Variants in DRC9 observed in about 807,000 individuals in gnomAD.
The protein encoded by DRC9 is dynein regulatory complex protein 9.
the DRC9 span, among the ~76,000 whole-genome samples, chr3:197,896,275 G>A: frequency 2.6e-5 from 4 of 151,928 alleles, no homozygotes; most frequent in African/African-American, 4.8e-5. Context: ...CCCAGGAGGC[G>A]GAGGTTGTGG....
At chr3:197,960,112 A>G in the DRC9 span, 1 of 891,590 alleles carries the variant, frequency 1.1e-6, no homozygotes, top group Non-Finnish European at 1.7e-6. Flanking sequence ...GCGAACTTCT[A>G]GCGGGTGACG....
At chr3:197,951,013 T>C in the DRC9 span, 5 of 1,609,742 alleles carry the variant, frequency 3.1e-6, no homozygotes, top group Non-Finnish European at 2.6e-6. Flanking sequence ...TATTTTTGTG[T>C]GTTAGACGTG....
At chr3:197,954,882 T>C in the DRC9 span, among the ~76,000 whole-genome samples, 1 of 152,190 alleles carries the variant, frequency 6.6e-6, no homozygotes, top group Non-Finnish European at 1.5e-5. Flanking sequence ...ATTCAACAGT[T>C]ACGCCTGGCA....
chr3:197,915,163 C>CAA, the DRC9 span, among the ~76,000 whole-genome samples: 751 of 71,264 alleles, frequency 0.011, 19 homozygotes, highest in Non-Finnish European at 0.016. Flanking sequence ...GATTCTGTCT[C>CAA]AAAAAAAAAA....
the DRC9 span, among the ~76,000 whole-genome samples, chr3:197,910,806 C>A: frequency 1.3e-5 from 2 of 151,900 alleles, no homozygotes; most frequent in Admixed American, 1.3e-4. Flanking sequence ...ACAGTGAAAC[C>A]CCATCTCTAC....
At chr3:197,925,909 G>A in the DRC9 span, 19 of 718,752 alleles carry the variant, frequency 2.6e-5, no homozygotes, top group East Asian at 1.7e-4. Context: ...AAGGAATGCC[G>A]GAGGAAACAA....
the DRC9 span, among the ~76,000 whole-genome samples, chr3:197,899,403 C>G: frequency 6.6e-6 from 1 of 152,164 alleles, no homozygotes; most frequent in African/African-American, 2.4e-5. Context: ...ACAGGTTAAT[C>G]TCACTTGTGG....
chr3:197,891,276 T>C, the DRC9 span, among the ~76,000 whole-genome samples: 1 of 152,184 alleles, frequency 6.6e-6, no homozygotes, highest in African/African-American at 2.4e-5. Context: ...GTTAACTGTC[T>C]CCCTGCACCA....
chr3:197,933,030 T>TATATATTATACATATATATAAAATAC, the DRC9 span, among the ~76,000 whole-genome samples: 2 of 140,578 alleles, frequency 1.4e-5, no homozygotes, highest in Non-Finnish European at 3.0e-5. Context: ...TATAAAATAT[T>TATATATTATACATATATATAAAATAC]ATATATTATA....
chr3:197,927,066 G>A, the DRC9 span, among the ~76,000 whole-genome samples: 4 of 152,216 alleles, frequency 2.6e-5, no homozygotes, highest in Admixed American at 2.6e-4. Flanking sequence ...TCTACTCTGA[G>A]AAACAGCCTT....
chr3:197,941,237 TCTCCCTGCCCTCCCTTCCCC>T, the DRC9 span, among the ~76,000 whole-genome samples: 3 of 98,358 alleles, frequency 3.1e-5, no homozygotes, highest in African/African-American at 3.9e-5. Flanking sequence ...TTCCCTTCCC[TCTCCCTGCCCTCCCTTCCCC>T]CTCCCTCCCT....
the DRC9 span, among the ~76,000 whole-genome samples, chr3:197,936,266 T>C: frequency 1.3e-5 from 2 of 152,214 alleles, no homozygotes; most frequent in African/African-American, 4.8e-5. Context: ...AAGACAATAA[T>C]GCATAAAGAT....
At chr3:197,959,758 CAT>C in the DRC9 span, 1 of 155,958 alleles carries the variant, frequency 6.4e-6, no homozygotes, top group African/African-American at 2.4e-5. Flanking sequence ...AACGGTGTAT[CAT>C]AGATTTTTAT....
At chr3:197,914,080 A>G in the DRC9 span, 64 of 1,556,122 alleles carry the variant, frequency 4.1e-5, no homozygotes, top group South Asian at 5.1e-4. Context: ...TTGAAAATAC[A>G]TTCTACCTCC....
chr3:197,954,078 C>T, the DRC9 span: 1 of 1,614,162 alleles, frequency 6.2e-7, no homozygotes, highest in South Asian at 1.1e-5. Context: ...CCCATGGAAA[C>T]AGTGGCATGG....
At chr3:197,946,384 G>A in the DRC9 span, among the ~76,000 whole-genome samples, 6 of 144,032 alleles carry the variant, frequency 4.2e-5, no homozygotes, top group East Asian at 2.0e-4. Flanking sequence ...GCAGTGAGCC[G>A]AGATCGCGCC....
chr3:197,916,895 A>T, the DRC9 span, among the ~76,000 whole-genome samples: 2 of 152,034 alleles, frequency 1.3e-5, no homozygotes, highest in South Asian at 4.2e-4. Context: ...AAAAAAAAAA[A>T]ATCACACAAA....
At chr3:197,900,916 C>T in the DRC9 span, among the ~76,000 whole-genome samples, 7 of 152,188 alleles carry the variant, frequency 4.6e-5, no homozygotes, top group African/African-American at 1.4e-4. This position sits in a 1 kb window ranked among gnomAD's most constrained non-coding sequence, Gnocchi z 4.7. Flanking sequence ...AAAGAGCCCC[C>T]GGGCCCTGAA....
the DRC9 span, among the ~76,000 whole-genome samples, chr3:197,926,590 AG>A: frequency 6.6e-6 from 1 of 152,214 alleles, no homozygotes; most frequent in East Asian, 1.9e-4. Context: ...CTCCAACTAC[AG>A]GGGGCGTAAG....
Sources: allele counts gnomAD v4.1 joint callset (sites outside exome capture counted in the v4.1 genomes callset), GRCh38; gene constraint gnomAD v4.1.1; non-coding constraint Gnocchi (gnomAD v3.1); transcripts MANE v1.5; gene names NCBI Gene and HGNC (gene_info 2026-07-23, HGNC 2026-07-21).